MUC3A: variants seen among roughly 807,000 people sequenced by gnomAD.
The protein encoded by MUC3A is mucin 3A, cell surface associated, also known as mucin-3A.
Under a neutral mutation model 109.0 loss-of-function variants are expected in MUC3A, and 109 were observed. That is an observed-to-expected ratio of 1.00 (90% CI 0.86 to 1.17). The LOEUF is 1.17. Ranked by LOEUF, MUC3A falls within the 50% of genes most tolerant of loss-of-function variation. The pLI is 0.00. For synonymous variants in MUC3A, 1,398 were observed against 981.4 expected, an observed-to-expected ratio of 1.42 and a Z score of -7.93; for missense variants, 3,537 against 2,469.4, an observed-to-expected ratio of 1.43 and a Z score of -9.16.
At position 100,960,168 on chromosome 7, in the gene MUC3A, TCTC is replaced by T. The variant is rs1792270702; in HGVS notation, c.8394_8396del (p.Pro2799del). The T allele has an allele frequency of 5.1e-6, 8 of 1,574,026 alleles. No individual in the cohort carries two copies. The highest frequency in any genetic ancestry group is 1.2e-5 in the South Asian group (1 of 86,132). ...AATGGATCCCAGCACTGAAGCTACT[TCTC>T]CTCCCACCACCCCATTAACAGTCTT... On this transcript the variant is annotated inframe_deletion, in exon 2 of 12. Transcript: ENST00000379458.
chr7:100,963,384 C>G (rs1792407447), intron 4 of MUC3A, 118 bp downstream of exon 4: 3 of 871,148 alleles, frequency 3.4e-6, no homozygotes, highest in East Asian at 2.6e-5. Context: ...CTCCCGGGTT[C>G]ACATGATTCT....
chr7:100,949,835 T>A, intron 1 of MUC3A, 150 bp downstream of exon 1: 1 of 514,774 alleles, frequency 1.9e-6, no homozygotes, highest in Non-Finnish European at 2.7e-6. Context: ...AGGCACGGCC[T>A]GACTGGGGGA....
At position 100,949,686 on chromosome 7, in the gene MUC3A, G is replaced by A; in HGVS notation, c.61+1G>A. 1.3e-6 allele frequency: 2 copies of A among 1,542,096 alleles called. No homozygotes were observed. Among genetic ancestry groups the A allele is most frequent in the Non-Finnish European group, 1.7e-6 (2 of 1,151,288 alleles). ...CTCAAGGCCTCCCCGTGGGCCACAG[G>A]TAAGGGGGAGAGGCGGAAGGGGGTT... On this transcript the variant is annotated splice_donor_variant, in intron 1 of 11. Transcript: ENST00000379458. LOFTEE classifies it high-confidence loss of function.
In MUC3A at chr7:100,956,793, G is replaced by A. The variant is rs1227040046; in HGVS notation, c.5014G>A (p.Val1672Ile). 2.4e-6 allele frequency: 1 copy of A among 414,988 alleles called. No homozygotes were observed. Among genetic ancestry groups the A allele is most frequent in the African/African-American group, 2.0e-5 (1 of 48,830 alleles). The allele number at this position is 414,988 out of a possible 1,614,324, so 25.7% of individuals were successfully genotyped here. A position where few individuals can be genotyped will look rare whatever the true frequency, so the allele number is the denominator to read the frequency against. Reference sequence around the variant, plus strand: ...TTCCTCTTCCATGTCTGCCAGCAGTGTAGGGACCACTCACACCCAGAGTAT... The same window carrying A: ...TTCCTCTTCCATGTCTGCCAGCAGTATAGGGACCACTCACACCCAGAGTAT... The part of the protein sequence containing the change: ...SFSSSMSASS[V>I]GTTHTQSISS... Residue 1672 changes from valine to isoleucine, a missense_variant, in exon 2 of 12, where the codon GTA (valine) becomes ATA (isoleucine). Coordinates refer to ENST00000379458, the MANE Select transcript of MUC3A (RefSeq NM_005960.2).
rs1226639910 is a variant in MUC3A, at chr7:100,965,439, G to T, written c.9448+92G>T. Reference sequence around the variant, plus strand: ...CCATTGAAGCCTGTGGGCAGGGAGAGACCTTTGGGGGAGGCAAGTCATGTG... The same window carrying T: ...CCATTGAAGCCTGTGGGCAGGGAGATACCTTTGGGGGAGGCAAGTCATGTG... On this transcript the variant is annotated intron_variant, in intron 7 of 11. Transcript: ENST00000379458. 19 of 1,539,180 alleles carry T rather than the reference G, an allele frequency of 1.2e-5. No individual in the cohort carries two copies. In the African/African-American group the frequency reaches 2.5e-4, roughly 20 times the overall value.
rs933769288 is a variant in MUC3A, at chr7:100,954,331, A to G, written c.2552A>G (p.Asn851Ser). ...TDLTSVYTVS[N>S]MSARPTTVIP... ...CTCACCTCAGTGTACACAGTCTCTA[A>G]CATGTCTGCAAGGCCAACAACTGTC... The change falls in exon 2 of 12, where the codon AAC becomes AGC. Residue 851 changes from asparagine to serine, a missense_variant. By Grantham distance (46) the Asn-to-Ser change is conservative (BLOSUM62 1). Transcript: ENST00000379458. 0.88 allele frequency: 355,487 copies of G among 402,182 alleles called. 154,538 individuals are homozygous for G. The highest frequency in any genetic ancestry group is 1 in the East Asian group (28,142 of 28,152). 24.9% of individuals were successfully genotyped at this position (402,182 alleles called of 1,614,324 possible).
chr7:100,967,483 T>C lies in MUC3A; in HGVS notation c.*321T>C. 1 of 564,434 alleles carries C rather than the reference T, an allele frequency of 1.8e-6. No homozygotes were observed. Among genetic ancestry groups the C allele is most frequent in the South Asian group, 2.4e-5 (1 of 41,102 alleles). The allele number at this position is 564,434 out of a possible 1,614,324, so 35.0% of individuals were successfully genotyped here. A position where few individuals can be genotyped will look rare whatever the true frequency, so the allele number is the denominator to read the frequency against. On this transcript the variant is annotated 3_prime_UTR_variant, in exon 12 of 12. Coordinates refer to ENST00000379458, the MANE Select transcript of MUC3A (RefSeq NM_005960.2). Reference sequence around the variant, plus strand: ...CGTTGTTGTGAAAACCACATAGACTTGGTCAATTCTCGGTCCTACTCTGCC... The same window carrying C: ...CGTTGTTGTGAAAACCACATAGACTCGGTCAATTCTCGGTCCTACTCTGCC...
Position 100,957,777 on chromosome 7 carries a change from AC to A in MUC3A, c.6000del (p.Thr2001ProfsTer26). 1 of 255,994 alleles carries A rather than the reference AC, an allele frequency of 3.9e-6. No homozygotes were observed. Among genetic ancestry groups the A allele is most frequent in the South Asian group, 9.1e-5 (1 of 10,956 alleles). The allele number at this position is 255,994 out of a possible 1,614,324, so 15.9% of individuals were successfully genotyped here. A position where few individuals can be genotyped will look rare whatever the true frequency, so the allele number is the denominator to read the frequency against. ...PSYTSLITTTTTTSHSTPSFT... is the reference protein window; with the variant it reads ...PSYTSLITTTXTTSHSTPSFT... ...CTACACTTCTTTGATCACCACAACC[AC>A]CACCACCTCACACAGTACTCCCAGC... On this transcript the variant is annotated frameshift_variant, in exon 2 of 12. Coordinates refer to ENST00000379458, the MANE Select transcript of MUC3A (RefSeq NM_005960.2). LOFTEE classifies it high-confidence loss of function.
chr7:100,965,593 C>A, intron 7 of MUC3A, 111 bp from the exon 8 acceptor site: 1 of 1,513,650 alleles, frequency 6.6e-7, no homozygotes, highest in East Asian at 2.3e-5. Flanking sequence ...CCACAGCATC[C>A]CACCTCGGAA....
In MUC3A at chr7:100,959,421, A is replaced by G. The variant is rs1053077464; in HGVS notation, c.7642A>G (p.Met2548Val). ...SSLVGTTSPT[M>V]STVRMTLRIT... The stretch of plus-strand genomic sequence containing the variant: ...CCTTGTGGGCACCACCTCTCCCACC[A>G]TGTCCACTGTGAGAATGACCCTCAG... Residue 2548 changes from methionine to valine, a missense_variant, in exon 2 of 12, where the codon ATG (methionine) becomes GTG (valine). Met to Val is a conservative substitution (Grantham distance 21). Coordinates refer to ENST00000379458, the MANE Select transcript of MUC3A (RefSeq NM_005960.2). The G allele has an allele frequency of 1.3e-6, 2 of 1,539,224 alleles. No individual in the cohort carries two copies. Among genetic ancestry groups the G allele is most frequent in the African/African-American group, 1.4e-5 (1 of 73,088 alleles).
At chr7:100,965,244 C>G (rs760140770) in intron 6 of MUC3A, 38 bp from the exon 7 acceptor site, 8 of 1,438,076 alleles carry the variant, frequency 5.6e-6, no homozygotes, top group Non-Finnish European at 6.3e-6. Context: ...ACCCCTTGAT[C>G]TGCCCCGCCC....
chr7:100,963,878 AATCACTCCCT>A (rs1792428862), intron 5 of MUC3A, 126 bp downstream of exon 5: 5 of 1,392,762 alleles, frequency 3.6e-6, no homozygotes, highest in Non-Finnish European at 4.9e-6. Context: ...GTACATAAGG[AATCACTCCCT>A]GGGTATTTTT....
chr7:100,958,652 T>C lies in MUC3A; in HGVS notation c.6873T>C (p.Thr2291=), dbSNP rs78157832. The change falls in exon 2 of 12, where the codon ACT becomes ACC. Residue 2291 remains threonine, a synonymous_variant. Coordinates refer to ENST00000379458, the MANE Select transcript of MUC3A (RefSeq NM_005960.2). ...CCTCACACAGTACTCCCAGCTCCACTTCTTTAATCACCACCACCAAGACCA... is the reference window on the plus strand; with the variant it reads ...CCTCACACAGTACTCCCAGCTCCACCTCTTTAATCACCACCACCAAGACCA... The part of the protein sequence containing the change: ...ETPSHSTPSS[T]SLITTTKTTS... 18 of 1,565,216 alleles carry C rather than the reference T, an allele frequency of 1.2e-5. No individual in the cohort carries two copies. The highest frequency in any genetic ancestry group is 1.4e-5 in the Non-Finnish European group (16 of 1,154,644).
chr7:100,958,326 TACAGTA>T lies in MUC3A; in HGVS notation c.6548_6553del (p.Tyr2183_Thr2185delinsSer). ...GTGGGGGACCACCGAGACCACATCC[TACAGTA>T]CTCCCAGCTTCACTTCTTCAAATAC... On this transcript the variant is annotated inframe_deletion, in exon 2 of 12. Transcript: ENST00000379458. 2 of 68,264 alleles carry T rather than the reference TACAGTA, an allele frequency of 2.9e-5. No homozygotes were observed. Among genetic ancestry groups the T allele is most frequent in the African/African-American group, 2.6e-4 (1 of 3,854 alleles). 4.2% of individuals were successfully genotyped at this position (68,264 alleles called of 1,614,324 possible). A position where few individuals can be genotyped will look rare whatever the true frequency, so the allele number is the denominator to read the frequency against.
intron 10 of MUC3A, 47 bp from the exon 11 acceptor site, chr7:100,966,852 G>C (rs750083042): frequency 6.9e-6 from 11 of 1,598,304 alleles, no homozygotes; most frequent in Non-Finnish European, 8.5e-6. Flanking sequence ...TCTCCCTTCC[G>C]TCCCCTCCCT....
Position 100,959,508 on chromosome 7 carries a change from C to G in MUC3A, c.7729C>G (p.Pro2577Ala). Residue 2577 changes from proline to alanine, a missense_variant, in exon 2 of 12, where the codon CCA becomes GCA. Pro to Ala is a conservative substitution (Grantham distance 27). Transcript: ENST00000379458. Reference sequence around the variant, plus strand: ...AAGTATTGTTGTTATACCTGAAACCCCAACACAGACCCCTCCTGTACTGAC... The same window carrying G: ...AAGTATTGTTGTTATACCTGAAACCGCAACACAGACCCCTCCTGTACTGAC... Reference protein sequence around the residue: ...STSIVVIPETPTQTPPVLTSA... With the variant: ...STSIVVIPETATQTPPVLTSA... The G allele has an allele frequency of 6.3e-7, 1 of 1,575,434 alleles. No individual in the cohort carries two copies.
At chr7:100,965,955 G>T (rs77610977) in intron 8 of MUC3A, 89 bp downstream of exon 8, 2 of 1,484,254 alleles carry the variant, frequency 1.3e-6, no homozygotes, top group East Asian at 2.4e-5. Flanking sequence ...CCGGCTCCGC[G>T]CCCTGGGCCT....
intron 5 of MUC3A, 35 bp downstream of exon 5, chr7:100,963,787 T>C (rs1792423888): frequency 5.6e-6 from 9 of 1,598,312 alleles, no homozygotes; most frequent in South Asian, 2.2e-5. Flanking sequence ...GAGGCGGTGT[T>C]GGGTGGGGGA....
At position 100,957,371 on chromosome 7, in the gene MUC3A, T is replaced by G; in HGVS notation, c.5592T>G (p.Gly1864=). 1.6e-6 allele frequency: 1 copy of G among 632,344 alleles called. No homozygotes were observed. Among genetic ancestry groups the G allele is most frequent in the Non-Finnish European group, 2.7e-6 (1 of 370,098 alleles). The allele number at this position is 632,344 out of a possible 1,614,324, so 39.2% of individuals were successfully genotyped here. A position where few individuals can be genotyped will look rare whatever the true frequency, so the allele number is the denominator to read the frequency against. ...CCACCTATTCCACCAATATGACAGG[T>G]ACATTGTCCACTGTGACCTCTCTTC... is the stretch of plus-strand genomic sequence containing the variant. ...TRTTYSTNMT[G]TLSTVTSLRP... The change falls in exon 2 of 12, where the codon GGT becomes GGG. Residue 1864 remains glycine, a synonymous_variant. Coordinates refer to ENST00000379458, the MANE Select transcript of MUC3A (RefSeq NM_005960.2).
Sources: allele counts gnomAD v4.1 joint callset, GRCh38; gene constraint gnomAD v4.1.1; transcripts MANE v1.5; gene names NCBI Gene and HGNC (gene_info 2026-07-23, HGNC 2026-07-21).